Variants in TYW1 observed in about 807,000 individuals in gnomAD.
TYW1 encodes tRNA-yW synthesizing protein 1 homolog, also known as S-adenosyl-L-methionine-dependent tRNA 4-demethylwyosine synthase TYW1.
A neutral mutation model predicts 96.2 loss-of-function variants in TYW1; 46 were observed. The ratio of observed to expected loss-of-function variants is 0.48; its 90% confidence interval spans 0.38 to 0.61. The LOEUF (loss-of-function observed/expected upper bound fraction) is 0.61. Ranked by LOEUF, TYW1 falls within the 20% of genes least tolerant of loss-of-function variation. TYW1 has a pLI of 0.00. For synonymous variants in TYW1, 274 were observed against 323.0 expected (o/e 0.85, Z 1.63); for missense variants, 684 against 909.6 (o/e 0.75, Z 3.19).
At position 67,042,000 on chromosome 7, in the gene TYW1, T is replaced by C. The variant is rs1424291337; in HGVS notation, c.985-7949T>C. On this transcript the variant is annotated intron_variant, in intron 7 of 15. Coordinates refer to ENST00000359626, the MANE Select transcript of TYW1 (RefSeq NM_018264.4). ...CATTATATTCTAATTCTATTAGAATTAATGTATAATTATATTAGAATTATA... is the reference window on the plus strand; with the variant it reads ...CATTATATTCTAATTCTATTAGAATCAATGTATAATTATATTAGAATTATA... Among the ~76,000 whole-genome samples, 9 of 147,496 alleles carry C rather than the reference T, an allele frequency of 6.1e-5. No individual in the cohort carries two copies. In the Admixed American group the frequency reaches 6.1e-4, roughly 10 times the overall value.
chr7:67,062,148 C>T (rs1196854029), intron 9 of TYW1, among the ~76,000 whole-genome samples: 1 of 152,054 alleles, frequency 6.6e-6, no homozygotes, highest in Non-Finnish European at 1.5e-5. Context: ...CGGTGGCTCA[C>T]CCCTGTAATT....
chr7:67,010,239 T>G (rs1340021306), intron 4 of TYW1, among the ~76,000 whole-genome samples: 1 of 152,018 alleles, frequency 6.6e-6, no homozygotes, highest in Non-Finnish European at 1.5e-5. Flanking sequence ...TCAAGTGATC[T>G]GCCCGCCTTG....
intron 15 of TYW1, among the ~76,000 whole-genome samples, chr7:67,231,520 C>T (rs1265553855): frequency 6.6e-6 from 1 of 152,166 alleles, no homozygotes; most frequent in African/African-American, 2.4e-5. Flanking sequence ...CTTTAATGTC[C>T]AAACGTGTTT....
intron 10 of TYW1, among the ~76,000 whole-genome samples, chr7:67,075,554 A>G (rs1796175545): frequency 6.6e-6 from 1 of 152,234 alleles, no homozygotes; most frequent in Non-Finnish European, 1.5e-5. Context: ...AAAGAGGTTA[A>G]GTACTGATAC....
intron 12 of TYW1, among the ~76,000 whole-genome samples, chr7:67,107,789 C>T (rs1406081936): frequency 6.8e-5 from 10 of 147,376 alleles, no homozygotes; most frequent in African/African-American, 2.5e-4. Context: ...TGGTCTTGAA[C>T]TCCTGTGCTC....
chr7:67,168,546 G>A (rs1316029769), intron 13 of TYW1, among the ~76,000 whole-genome samples: 1 of 151,880 alleles, frequency 6.6e-6, no homozygotes, highest in African/African-American at 2.4e-5. Context: ...ATTAAGTTGT[G>A]TTTTCTTTAG....
intron 15 of TYW1, among the ~76,000 whole-genome samples, chr7:67,208,414 G>T (rs572746669): frequency 6.6e-6 from 1 of 151,534 alleles, no homozygotes; most frequent in African/African-American, 2.4e-5. Flanking sequence ...CACAACCATC[G>T]GGCGCGGTGG....
At chr7:67,215,014 A>G (rs1801159086) in intron 15 of TYW1, among the ~76,000 whole-genome samples, 1 of 149,488 alleles carries the variant, frequency 6.7e-6, no homozygotes, top group African/African-American at 2.5e-5. Flanking sequence ...CCAGTCTCAT[A>G]GAATGGGTTA....
At chr7:67,063,295 A>T (rs1378189856) in intron 9 of TYW1, among the ~76,000 whole-genome samples, 2 of 152,262 alleles carry the variant, frequency 1.3e-5, no homozygotes, top group African/African-American at 4.8e-5. Context: ...ATTAACCTCT[A>T]CAAAATTCTT....
At chr7:67,055,952 ACT>A (rs1419381013) in intron 9 of TYW1, 65 bp downstream of exon 9, 2 of 1,193,870 alleles carry the variant, frequency 1.7e-6, no homozygotes, top group Non-Finnish European at 2.4e-6. Flanking sequence ...ATTATTATAC[ACT>A]GTCTATAAAT....
intron 10 of TYW1, among the ~76,000 whole-genome samples, chr7:67,076,819 G>T (rs1472527018): frequency 6.9e-6 from 1 of 144,684 alleles, no homozygotes; most frequent in African/African-American, 2.6e-5. Flanking sequence ...CTGTTGCCCA[G>T]GCTGGAGTGC....
chr7:67,102,979 G>C (rs1311562891), intron 12 of TYW1, among the ~76,000 whole-genome samples: 1 of 152,200 alleles, frequency 6.6e-6, no homozygotes, highest in East Asian at 1.9e-4. Context: ...CATCCTTGAA[G>C]CTCCTAATAT....
At chr7:67,067,129 T>C (rs1795890845) in intron 9 of TYW1, 156 bp from the exon 10 acceptor site, 4 of 798,570 alleles carry the variant, frequency 5.0e-6, no homozygotes, top group African/African-American at 1.7e-5. Context: ...GCCAAAACAC[T>C]GAAATGCTCT....
intron 10 of TYW1, 45 bp from the exon 11 acceptor site, chr7:67,083,385 T>C: frequency 6.3e-7 from 1 of 1,590,636 alleles, no homozygotes; most frequent in Non-Finnish European, 8.6e-7. Flanking sequence ...CTAGCCCAGA[T>C]CTTATTACAG....
chr7:67,175,980 T>C (rs1361913896), intron 13 of TYW1, among the ~76,000 whole-genome samples: 1 of 152,130 alleles, frequency 6.6e-6, no homozygotes, highest in Non-Finnish European at 1.5e-5. Context: ...TTTTAGTAAA[T>C]AAATGTGTAC....
At chr7:67,188,565 A>G (rs1178009109) in intron 14 of TYW1, among the ~76,000 whole-genome samples, 2 of 152,138 alleles carry the variant, frequency 1.3e-5, no homozygotes, top group African/African-American at 4.8e-5. Context: ...CCTAGTAGAC[A>G]GTACTCGGGT....
At chr7:67,037,272 C>T (rs1455575264) in intron 7 of TYW1, among the ~76,000 whole-genome samples, 1 of 152,020 alleles carries the variant, frequency 6.6e-6, no homozygotes, top group African/African-American at 2.4e-5. Flanking sequence ...TTTTGGGAGG[C>T]CGAGGCAGGT....
intron 7 of TYW1, among the ~76,000 whole-genome samples, chr7:67,043,882 G>A (rs1326265805): frequency 1.3e-5 from 2 of 152,238 alleles, no homozygotes. Flanking sequence ...AAAGCTTTGC[G>A]TAATGGTGAA....
intron 13 of TYW1, among the ~76,000 whole-genome samples, chr7:67,168,958 C>T (rs1799438475): frequency 6.6e-6 from 1 of 151,902 alleles, no homozygotes; most frequent in Non-Finnish European, 1.5e-5. Context: ...GTGATCCGCC[C>T]ACCTCGGCCT....
Sources: gnomAD v4.1 joint callset for allele counts (sites outside exome capture counted in the v4.1 genomes callset) on GRCh38, gnomAD v4.1.1 for gene constraint, MANE v1.5 for transcripts, NCBI Gene and HGNC (gene_info 2026-07-23, HGNC 2026-07-21) for gene names.